Variants in YAF2 observed in about 807,000 individuals in gnomAD.
YAF2 encodes YY1-associated factor 2.
A neutral mutation model predicts 20.1 loss-of-function variants in YAF2; 7 were observed. The observed-to-expected ratio is 0.35, with a 90% CI of 0.20 to 0.65. The LOEUF is 0.65. YAF2 is among the 30% of genes least tolerant of loss of function. The pLI, the probability that YAF2 is intolerant of heterozygous loss-of-function variation, is 0.69. For missense variants in YAF2, 151 were observed against 219.2 expected, an observed-to-expected ratio of 0.69 and a Z score of 1.96; for synonymous variants, 74 against 76.0, an observed-to-expected ratio of 0.97 and a Z score of 0.14.
intron 2 of YAF2, chr12:42,235,271 T>G (rs1565667484): frequency 6.0e-6 from 6 of 998,978 alleles, no homozygotes; most frequent in Non-Finnish European, 7.2e-6. Flanking sequence ...AATTACCCTG[T>G]TCATTAATAA....
Position 42,161,624 on chromosome 12 carries a change from A to G in YAF2, c.294T>C (p.His98=). 6.3e-7 allele frequency: 1 copy of G among 1,584,114 alleles called. No individual in the cohort carries two copies. Among genetic ancestry groups the G allele is most frequent in the Non-Finnish European group, 8.5e-7 (1 of 1,169,746 alleles). Residue 98 remains histidine, a synonymous_variant, in exon 3 of 4, where the codon CAT becomes CAC. Transcript: ENST00000534854. ...EKETTSKKNS[H]KKTRPRLKNV... ...CTCTTCACATTTACCTGGTTTTCTTATGGCTATTCTTTTTGCTAGTTGTTT... is the reference window on the plus strand; with the variant it reads ...CTCTTCACATTTACCTGGTTTTCTTGTGGCTATTCTTTTTGCTAGTTGTTT...
chr12:42,179,185 T>A (rs1414876695), intron 2 of YAF2, among the ~76,000 whole-genome samples: 1 of 152,192 alleles, frequency 6.6e-6, no homozygotes, highest in Non-Finnish European at 1.5e-5. Context: ...TAATGTGCAG[T>A]GAGGCTGGGT....
intron 2 of YAF2, chr12:42,233,002 A>C: frequency 1.0e-6 from 1 of 985,442 alleles, no homozygotes; most frequent in Non-Finnish European, 1.2e-6. Flanking sequence ...AAAACTGTAA[A>C]ATTTTAAAGA....
At chr12:42,233,695 TAG>T (rs1338099608) in intron 2 of YAF2, 1 of 830,904 alleles carries the variant, frequency 1.2e-6, no homozygotes, top group Non-Finnish European at 1.5e-6. Context: ...TAATTTTTAG[TAG>T]AGACGAGATC....
chr12:42,230,304 G>GAA lies in YAF2; in HGVS notation c.152+7294_152+7295insTT, dbSNP rs746912123. 1.9e-4 allele frequency among the ~76,000 whole-genome samples: 28 copies of GAA among 151,246 alleles called. No homozygotes were observed. The East Asian group carries it at 5.2e-3, about 28-fold the overall frequency. The stretch of plus-strand genomic sequence containing the variant: ...AGAAGAAAGAGAAGAAAGAAAGAAA[G>GAA]AGAAAGAAAAAGTACCATATGATAA... On this transcript the variant is annotated intron_variant, in intron 2 of 3. Coordinates refer to ENST00000534854, the MANE Select transcript of YAF2 (RefSeq NM_005748.6).
At chr12:42,217,331 A>G (rs2067384775) in intron 2 of YAF2, among the ~76,000 whole-genome samples, 1 of 152,154 alleles carries the variant, frequency 6.6e-6, no homozygotes, top group Non-Finnish European at 1.5e-5. Context: ...TTTTACTCTG[A>G]TAATACAGCT....
At chr12:42,173,681 C>T (rs1307998580) in intron 2 of YAF2, among the ~76,000 whole-genome samples, 6 of 152,154 alleles carry the variant, frequency 3.9e-5, no homozygotes. Context: ...GCACCTTCTC[C>T]TTTCCAATCC....
At chr12:42,188,278 T>C (rs2066524102) in intron 2 of YAF2, among the ~76,000 whole-genome samples, 1 of 152,118 alleles carries the variant, frequency 6.6e-6, no homozygotes, top group Admixed American at 6.6e-5. Context: ...AATCAATGTA[T>C]TCAAAAATAT....
chr12:42,228,127 G>A (rs1178372752), intron 2 of YAF2, among the ~76,000 whole-genome samples: 6 of 66,430 alleles, frequency 9.0e-5, no homozygotes, highest in African/African-American at 3.1e-4. Flanking sequence ...CCGGCCAGCC[G>A]CCCCGTCCGG....
chr12:42,202,634 A>G (rs1419956996), intron 2 of YAF2, among the ~76,000 whole-genome samples: 2 of 152,186 alleles, frequency 1.3e-5, no homozygotes, highest in South Asian at 2.1e-4. Flanking sequence ...TCTAAATAGC[A>G]TAACTTTTAT....
intron 2 of YAF2, among the ~76,000 whole-genome samples, chr12:42,173,254 G>T (rs1261545154): frequency 6.6e-6 from 1 of 152,120 alleles, no homozygotes; most frequent in African/African-American, 2.4e-5. Context: ...GGGCTCCACG[G>T]TCTATATGTA....
chr12:42,206,608 T>TA lies in YAF2; in HGVS notation c.152+30990dup, dbSNP rs59450062. Among the ~76,000 whole-genome samples the TA allele has an allele frequency of 5.9e-3, 794 of 135,282 alleles. 4 individuals are homozygous for TA. Among genetic ancestry groups the TA allele is most frequent in the East Asian group, 0.011 (53 of 4,774 alleles). 88.8% of individuals were successfully genotyped at this position (135,282 alleles called of 152,430 possible). A position where few individuals can be genotyped will look rare whatever the true frequency, so the allele number is the denominator to read the frequency against. On this transcript the variant is annotated intron_variant, in intron 2 of 3. Transcript: ENST00000534854. The stretch of plus-strand genomic sequence containing the variant: ...TGGGAGACAGAGTAAGACTCCATAT[T>TA]AAAAAAAAAAAAAAAGTAACTGAAA...
At chr12:42,235,548 C>G in intron 2 of YAF2, 1 of 1,360,358 alleles carries the variant, frequency 7.4e-7, no homozygotes, top group East Asian at 3.1e-5. Context: ...GAGCCAAAAT[C>G]AAAAGAGAAG....
intron 2 of YAF2, among the ~76,000 whole-genome samples, chr12:42,221,290 A>G (rs1202455576): frequency 1.3e-5 from 2 of 152,144 alleles, no homozygotes; most frequent in East Asian, 1.9e-4. Flanking sequence ...ATGGGACTGG[A>G]GGCTAGGCAT....
Position 42,237,701 on chromosome 12 carries a change from G to A in YAF2, c.50C>T (p.Ser17Phe), listed in dbSNP as rs1420155494. The change falls in exon 2 of 4, where the codon TCC (serine) becomes TTC (phenylalanine). Residue 17 changes from serine to phenylalanine, a missense_variant. By Grantham distance (155) the Ser-to-Phe change is radical. Coordinates refer to ENST00000534854, the MANE Select transcript of YAF2 (RefSeq NM_005748.6). ...ACAGTCCCAGTAACCCTCATCCGAG[G>A]ACGGCTTCGGCTGCCGCTTCGGCCT... ...PTRPKRQPKPSSDEGYWDCSV... is the reference protein window; with the variant it reads ...PTRPKRQPKPFSDEGYWDCSV... 3.8e-6 allele frequency: 6 copies of A among 1,567,784 alleles called. No homozygotes were observed. Among genetic ancestry groups the A allele is most frequent in the Non-Finnish European group, 4.3e-6 (5 of 1,160,116 alleles).
intron 2 of YAF2, among the ~76,000 whole-genome samples, chr12:42,188,514 T>A (rs1199127718): frequency 6.6e-6 from 1 of 151,240 alleles, no homozygotes; most frequent in Non-Finnish European, 1.5e-5. Flanking sequence ...GCCTCCTGAG[T>A]AGCTGGGATT....
rs2065730429 is a variant in YAF2 at position 42,157,608 on chromosome 12, T to C, written c.*2981A>G. 1 of 152,218 alleles carries C rather than the reference T, an allele frequency of 6.6e-6. No individual in the cohort carries two copies. The highest frequency in any genetic ancestry group is 6.5e-5 in the Admixed American group (1 of 15,284). The allele number at this position is 152,218 out of a possible 1,614,324, so 9.4% of individuals were successfully genotyped here. A position where few individuals can be genotyped will look rare whatever the true frequency, so the allele number is the denominator to read the frequency against. On this transcript the variant is annotated 3_prime_UTR_variant, in exon 4 of 4. Coordinates refer to ENST00000534854, the MANE Select transcript of YAF2 (RefSeq NM_005748.6). ...AAAAGTTAATAAACATGCTATCAAC[T>C]TAGAAAGGCTGAAGTTTCTCTTCCT...
intron 2 of YAF2, among the ~76,000 whole-genome samples, chr12:42,201,846 T>A (rs1755245914): frequency 6.6e-6 from 1 of 152,204 alleles, no homozygotes; most frequent in East Asian, 1.9e-4. Context: ...TTGATGGCAT[T>A]ACAGGTATGA....
intron 2 of YAF2, among the ~76,000 whole-genome samples, chr12:42,227,226 A>G (rs1410760161): frequency 3.4e-3 from 462 of 137,724 alleles, no homozygotes; most frequent in African/African-American, 0.012. Flanking sequence ...TGGCCTCCCA[A>G]AGTGCCGAGA....
Sources: allele counts gnomAD v4.1 joint callset (sites outside exome capture counted in the v4.1 genomes callset), GRCh38; gene constraint gnomAD v4.1.1; transcripts MANE v1.5; gene names NCBI Gene and HGNC (gene_info 2026-07-23, HGNC 2026-07-21).